The following LRRC4C variants were observed in gnomAD, a reference collection of about 807,000 sequenced individuals.
LRRC4C encodes leucine rich repeat containing 4C, also known as leucine-rich repeat-containing protein 4C.
In LRRC4C, 5 loss-of-function variants were observed where a neutral mutation model predicts 33.6. The ratio of observed to expected loss-of-function variants is 0.15; its 90% confidence interval spans 0.08 to 0.31. The LOEUF (loss-of-function observed/expected upper bound fraction) is 0.31, where lower values mean the gene tolerates loss of function less well. Ranked by LOEUF, LRRC4C falls within the 10% of genes least tolerant of loss-of-function variation. LRRC4C has a pLI of 1.00. For missense variants in LRRC4C, 560 were observed against 796.7 expected (o/e 0.70, Z 3.58); for synonymous variants, 329 against 302.0 (o/e 1.09, Z -0.93).
intron 1 of LRRC4C, among the ~76,000 whole-genome samples, chr11:41,349,357 C>G (rs546465126): frequency 6.6e-6 from 1 of 152,092 alleles, no homozygotes; most frequent in Non-Finnish European, 1.5e-5. Context: ...CACTGAGGCA[C>G]TTTTGCCATC....
intron 1 of LRRC4C, among the ~76,000 whole-genome samples, chr11:41,091,215 G>C (rs1940394077): frequency 6.6e-6 from 1 of 150,802 alleles, no homozygotes; most frequent in Non-Finnish European, 1.5e-5. Context: ...ACTATTATTA[G>C]ATAGATAATA....
At chr11:40,895,577 T>C (rs546107878) in intron 2 of LRRC4C, among the ~76,000 whole-genome samples, 520 of 152,266 alleles carry the variant, frequency 3.4e-3, no homozygotes, top group Non-Finnish European at 5.2e-3. Context: ...GAGTCTTCTG[T>C]TTTAAAAGGT....
At chr11:40,457,119 A>T (rs2138145242) in intron 3 of LRRC4C, among the ~76,000 whole-genome samples, 1 of 151,680 alleles carries the variant, frequency 6.6e-6, no homozygotes, top group Admixed American at 6.6e-5. Context: ...AAAAAAAGAA[A>T]AAAAAAACAG....
At chr11:40,274,753 A>C (rs920470756) in intron 4 of LRRC4C, among the ~76,000 whole-genome samples, 3 of 152,166 alleles carry the variant, frequency 2.0e-5, no homozygotes, top group African/African-American at 4.8e-5. Context: ...CAGAAACATA[A>C]GGCTCAGAAA....
intron 5 of LRRC4C, among the ~76,000 whole-genome samples, chr11:40,141,463 A>T (rs1209539625): frequency 6.6e-6 from 1 of 152,214 alleles, no homozygotes; most frequent in Non-Finnish European, 1.5e-5. Flanking sequence ...AGATCCTAAG[A>T]GAGAGAGCTC....
chr11:40,597,567 C>T (rs1358971665), intron 3 of LRRC4C, among the ~76,000 whole-genome samples: 2 of 152,044 alleles, frequency 1.3e-5, no homozygotes, highest in African/African-American at 4.8e-5. Flanking sequence ...ATAAAATTGT[C>T]ACATGTAATA....
chr11:40,522,379 G>C (rs924292062), intron 3 of LRRC4C, among the ~76,000 whole-genome samples: 1 of 152,108 alleles, frequency 6.6e-6, no homozygotes, highest in African/African-American at 2.4e-5. Context: ...TGGTTTGGCT[G>C]TGTCCCCACC....
intron 3 of LRRC4C, among the ~76,000 whole-genome samples, chr11:40,523,509 C>T (rs968009933): frequency 1.3e-5 from 2 of 149,776 alleles, no homozygotes; most frequent in South Asian, 2.1e-4. Flanking sequence ...GTATGTTAAT[C>T]GTTATGCCAT....
chr11:41,020,893 G>A (rs1025675840), intron 1 of LRRC4C, among the ~76,000 whole-genome samples: 4 of 152,000 alleles, frequency 2.6e-5, no homozygotes, highest in Non-Finnish European at 4.4e-5. Context: ...GGAATATTCT[G>A]TCTTCTATTC....
chr11:41,304,561 T>G (rs866239882), intron 1 of LRRC4C, among the ~76,000 whole-genome samples: 2 of 40,530 alleles, frequency 4.9e-5, no homozygotes, highest in Admixed American at 2.7e-4. Context: ...CCGCCCCGTC[T>G]GGGAGGGAGG....
chr11:40,676,975 G>A (rs1159164543), intron 2 of LRRC4C, among the ~76,000 whole-genome samples: 1 of 152,072 alleles, frequency 6.6e-6, no homozygotes, highest in East Asian at 1.9e-4. Context: ...AAGACAAAGA[G>A]CTTTTTACCA....
At chr11:41,212,039 T>G (rs1418060310) in intron 1 of LRRC4C, among the ~76,000 whole-genome samples, 1 of 152,176 alleles carries the variant, frequency 6.6e-6, no homozygotes, top group Non-Finnish European at 1.5e-5. Context: ...TCTTTATATT[T>G]TTGTTTGTTT....
chr11:40,523,292 C>T (rs368551163), intron 3 of LRRC4C, among the ~76,000 whole-genome samples: 8 of 151,994 alleles, frequency 5.3e-5, no homozygotes, highest in African/African-American at 1.7e-4. Context: ...TGGTGTTGAG[C>T]ATTTTTTTGT....
chr11:40,530,640 G>A (rs1396649192), intron 3 of LRRC4C, among the ~76,000 whole-genome samples: 2 of 152,260 alleles, frequency 1.3e-5, no homozygotes, highest in South Asian at 2.1e-4. Flanking sequence ...ATTTGCTTAT[G>A]CATTCAAAAC....
intron 1 of LRRC4C, among the ~76,000 whole-genome samples, chr11:41,053,088 T>A (rs891131895): frequency 2.6e-5 from 4 of 152,208 alleles, no homozygotes; most frequent in African/African-American, 9.6e-5. Context: ...CATGGACACA[T>A]GTGACAAAAC....
chr11:40,351,261 A>G (rs1486436715), intron 3 of LRRC4C, among the ~76,000 whole-genome samples: 1 of 151,888 alleles, frequency 6.6e-6, no homozygotes, highest in Non-Finnish European at 1.5e-5. Flanking sequence ...GCTGCCAAAT[A>G]AGATACTTGA....
intron 1 of LRRC4C, among the ~76,000 whole-genome samples, chr11:41,006,525 A>G (rs796984860): frequency 8.5e-5 from 13 of 152,330 alleles, no homozygotes; most frequent in African/African-American, 2.6e-4. Flanking sequence ...AAAAGGACAC[A>G]GAGGACAGAG....
rs559589110 is a variant in LRRC4C, at chr11:40,340,358, G to GA, written c.-269-20638dup. Among the ~76,000 whole-genome samples, 13 of 151,876 alleles carry GA rather than the reference G, an allele frequency of 8.6e-5. No homozygotes were observed. In the South Asian group the frequency reaches 1.9e-3, roughly 22 times the overall value. ...CCTCCCATTCCTATAGAAAATAGAA[G>GA]AAAAAAACAGAAAACTAACAGTGTT... On this transcript the variant is annotated intron_variant, in intron 3 of 6. Transcript: ENST00000528697.
chr11:41,295,599 AT>A (rs55977602), intron 1 of LRRC4C, among the ~76,000 whole-genome samples: 343 of 146,100 alleles, frequency 2.3e-3, no homozygotes, highest in Middle Eastern at 3.6e-3. Context: ...GGCAACAAAC[AT>A]TTTTTTTTTT....
Sources: gnomAD v4.1 joint callset for allele counts (sites outside exome capture counted in the v4.1 genomes callset) on GRCh38, gnomAD v4.1.1 for gene constraint, MANE v1.5 for transcripts, NCBI Gene and HGNC (gene_info 2026-07-23, HGNC 2026-07-21) for gene names.